The following GAB1 variants were observed in gnomAD, a reference collection of about 807,000 sequenced individuals.
The protein encoded by GAB1 is GRB2-associated-binding protein 1.
A neutral mutation model predicts 66.5 loss-of-function variants in GAB1; 19 were observed. The ratio of observed to expected loss-of-function variants is 0.29; its 90% CI spans 0.20 to 0.42. The LOEUF (loss-of-function observed/expected upper bound fraction) is 0.42, where lower values mean the gene tolerates loss of function less well. Among genes scored for constraint, GAB1 ranks in the 10% least tolerant of loss-of-function variants. GAB1 has a pLI of 1.00. For missense variants in GAB1, 732 were observed against 858.5 expected, an observed-to-expected ratio of 0.85 and a Z score of 1.84; for synonymous variants, 294 against 301.4, an observed-to-expected ratio of 0.98 and a Z score of 0.25.
intron 6 of GAB1, among the ~76,000 whole-genome samples, chr4:143,443,171 C>G (rs745609468): frequency 3.3e-5 from 5 of 151,960 alleles, no homozygotes; most frequent in Non-Finnish European, 5.9e-5. Flanking sequence ...CACCTGCCAC[C>G]ACGCCCAGCT....
intron 6 of GAB1, among the ~76,000 whole-genome samples, chr4:143,445,910 A>G (rs1270461482): frequency 6.6e-6 from 1 of 152,144 alleles, no homozygotes; most frequent in African/African-American, 2.4e-5. Flanking sequence ...GTCATTTAAC[A>G]TTAGGTATAT....
intron 9 of GAB1, among the ~76,000 whole-genome samples, chr4:143,467,525 CT>C (rs1204017222): frequency 3.9e-5 from 6 of 152,088 alleles, no homozygotes; most frequent in Admixed American, 2.6e-4. Context: ...TTACTGGCTC[CT>C]TTTTCAATAT....
chr4:143,389,975 G>T (rs1731105177), intron 1 of GAB1, among the ~76,000 whole-genome samples: 1 of 152,164 alleles, frequency 6.6e-6, no homozygotes, highest in African/African-American at 2.4e-5. Flanking sequence ...GAAGGTGTGT[G>T]TCCTCATATT....
Position 143,412,539 on chromosome 4 carries a change from G to C in GAB1, c.73-2938G>C, listed in dbSNP as rs569898042. ...GGTCACTATCTTCTTGAACTTTTCA[G>C]TCTGTTTGGGGAGTTACGTACTACA... On this transcript the variant is annotated intron_variant, in intron 1 of 9. Transcript: ENST00000262994. Among the ~76,000 whole-genome samples the C allele has an allele frequency of 7.3e-4, 111 of 152,264 alleles. 3 individuals are homozygous for C. In the South Asian group the frequency reaches 0.023, roughly 31 times the overall value.
intron 2 of GAB1, among the ~76,000 whole-genome samples, chr4:143,421,375 T>A (rs1410231493): frequency 1.3e-5 from 2 of 152,140 alleles, no homozygotes; most frequent in Non-Finnish European, 2.9e-5. Flanking sequence ...TATATGTCTT[T>A]TGATGAACAT....
At chr4:143,408,528 C>G (rs983162496) in intron 1 of GAB1, among the ~76,000 whole-genome samples, 8 of 152,110 alleles carry the variant, frequency 5.3e-5, no homozygotes, top group African/African-American at 1.7e-4. Context: ...GTGTACAATT[C>G]CGCACCTTGT....
intron 1 of GAB1, among the ~76,000 whole-genome samples, chr4:143,409,385 T>C (rs916957796): frequency 1.4e-5 from 2 of 144,782 alleles, no homozygotes; most frequent in African/African-American, 5.3e-5. Context: ...ACTTTGAACT[T>C]TCCCCCCCCC....
intron 1 of GAB1, among the ~76,000 whole-genome samples, chr4:143,392,544 A>G (rs1420716882): frequency 6.6e-6 from 1 of 152,156 alleles, no homozygotes; most frequent in East Asian, 1.9e-4. Flanking sequence ...GAGGGTGGTA[A>G]GTGGTGGTGG....
chr4:143,458,558 A>C (rs562971488), intron 6 of GAB1, among the ~76,000 whole-genome samples: 1 of 152,144 alleles, frequency 6.6e-6, no homozygotes, highest in Non-Finnish European at 1.5e-5. Flanking sequence ...GTATTGTTTC[A>C]GTTCTTTTGC....
chr4:143,423,731 G>A (rs1373759292), intron 2 of GAB1, among the ~76,000 whole-genome samples: 6 of 140,338 alleles, frequency 4.3e-5, no homozygotes, highest in Non-Finnish European at 6.1e-5. Context: ...GAGCCAGATC[G>A]CGCCACTGCA....
At position 143,415,915 on chromosome 4, in the gene GAB1, A is replaced by C. The variant is rs1254842942; in HGVS notation, c.367+144A>C. On this transcript the variant is annotated intron_variant, in intron 2 of 9. Transcript: ENST00000262994. Reference sequence around the variant, plus strand: ...AACTTGACATTTGGAAAAAGCACTGAATCCTTTAATTAGTTTGGGGAGAAG... The same window carrying C: ...AACTTGACATTTGGAAAAAGCACTGCATCCTTTAATTAGTTTGGGGAGAAG... 4.4e-6 allele frequency: 3 copies of C among 675,728 alleles called. No homozygotes were observed. The African/African-American group carries it at 5.6e-5, about 13-fold the overall frequency. The allele number at this position is 675,728 out of a possible 1,614,324, so 41.9% of individuals were successfully genotyped here. A position where few individuals can be genotyped will look rare whatever the true frequency, so the allele number is the denominator to read the frequency against.
intron 6 of GAB1, among the ~76,000 whole-genome samples, chr4:143,445,543 G>T (rs771033769): frequency 6.6e-6 from 1 of 152,066 alleles, no homozygotes; most frequent in African/African-American, 2.4e-5. Context: ...TAGGTTGACT[G>T]TTTACTCTGT....
chr4:143,464,028 T>A (rs574768564), intron 8 of GAB1, among the ~76,000 whole-genome samples: 1 of 152,194 alleles, frequency 6.6e-6, no homozygotes, highest in Non-Finnish European at 1.5e-5. Context: ...TATGGGTCTT[T>A]CATTGATCAC....
intron 1 of GAB1, among the ~76,000 whole-genome samples, chr4:143,380,379 A>G (rs751123342): frequency 6.6e-6 from 1 of 152,184 alleles, no homozygotes; most frequent in Non-Finnish European, 1.5e-5. Flanking sequence ...CAGGCTAGAG[A>G]AAGTTTGGAC....
At chr4:143,447,961 C>T (rs1324390071) in intron 6 of GAB1, among the ~76,000 whole-genome samples, 1 of 152,132 alleles carries the variant, frequency 6.6e-6, no homozygotes, top group Non-Finnish European at 1.5e-5. Context: ...AGATACATCC[C>T]ATCAATACCT....
intron 1 of GAB1, among the ~76,000 whole-genome samples, chr4:143,378,524 A>G (rs887893652): frequency 6.6e-6 from 1 of 152,062 alleles, no homozygotes; most frequent in Non-Finnish European, 1.5e-5. Flanking sequence ...AACAATTAGT[A>G]AGGTCCTATT....
intron 1 of GAB1, among the ~76,000 whole-genome samples, chr4:143,384,076 A>G (rs996817046): frequency 2.0e-5 from 3 of 152,174 alleles, no homozygotes; most frequent in African/African-American, 7.2e-5. Flanking sequence ...TTGTCTCTAA[A>G]AAGAAAAAAA....
chr4:143,471,705 A>G lies in GAB1; in HGVS notation c.*2516A>G, dbSNP rs1458051178. The G allele has an allele frequency of 6.6e-6, 1 of 152,194 alleles. No homozygotes were observed. Among genetic ancestry groups the G allele is most frequent in the Non-Finnish European group, 1.5e-5 (1 of 68,020 alleles). 9.4% of individuals were successfully genotyped at this position (152,194 alleles called of 1,614,324 possible). On this transcript the variant is annotated 3_prime_UTR_variant, in exon 10 of 10. Transcript: ENST00000262994. Reference sequence around the variant, plus strand: ...TGTAAGCAAAAATAATAGGTTTTAAACATACATCTCAGGAAATTCTTTAAT... The same window carrying G: ...TGTAAGCAAAAATAATAGGTTTTAAGCATACATCTCAGGAAATTCTTTAAT...
intron 1 of GAB1, among the ~76,000 whole-genome samples, chr4:143,379,256 G>A (rs1730556052): frequency 6.6e-6 from 1 of 152,160 alleles, no homozygotes; most frequent in Non-Finnish European, 1.5e-5. Context: ...GAAACAGGCA[G>A]AGCAATAACA....
Sources: allele counts gnomAD v4.1 joint callset (sites outside exome capture counted in the v4.1 genomes callset), GRCh38; gene constraint gnomAD v4.1.1; transcripts MANE v1.5; gene names NCBI Gene and HGNC (gene_info 2026-07-23, HGNC 2026-07-21).